The following RAB11FIP3 variants were observed in gnomAD, a reference collection of about 807,000 sequenced individuals.
RAB11FIP3 encodes the protein rab11 family-interacting protein 3.
A neutral mutation model predicts 77.8 loss-of-function variants in RAB11FIP3; 17 were observed. That is an observed-to-expected ratio of 0.22 (90% confidence interval 0.15 to 0.33). The LOEUF is 0.33. RAB11FIP3 is among the 10% of genes least tolerant of loss of function. RAB11FIP3 has a pLI of 1.00. For missense variants in RAB11FIP3, 1,005 were observed against 1,011.2 expected (o/e 0.99, Z 0.08); for synonymous variants, 437 against 448.2 (o/e 0.98, Z 0.31).
At chr16:437,406 TA>T (rs778954887) in intron 1 of RAB11FIP3, among the ~76,000 whole-genome samples, 9 of 149,638 alleles carry the variant, frequency 6.0e-5, no homozygotes, top group Non-Finnish European at 1.2e-4. Flanking sequence ...CCATCTCTAA[TA>T]AAAATACAAA....
intron 2 of RAB11FIP3, among the ~76,000 whole-genome samples, chr16:467,542 A>G (rs113973765): frequency 0.062 from 3,548 of 56,940 alleles, 144 homozygotes; most frequent in East Asian, 0.16. Flanking sequence ...GAGGAGGTGC[A>G]GGGGCCTCAG....
chr16:470,825 C>T (rs947604152), intron 2 of RAB11FIP3, among the ~76,000 whole-genome samples: 6 of 152,120 alleles, frequency 3.9e-5, no homozygotes, highest in Non-Finnish European at 7.4e-5. Flanking sequence ...ATGAAAACTG[C>T]GCGTGAACCC....
intron 3 of RAB11FIP3, among the ~76,000 whole-genome samples, chr16:478,137 T>G (rs912281363): frequency 6.6e-6 from 1 of 151,856 alleles, no homozygotes; most frequent in Non-Finnish European, 1.5e-5. Context: ...CTCAGGTGGG[T>G]GCAGCCTGGG....
rs948912780 is a variant in RAB11FIP3, at chr16:515,675, G to C, written c.1641-3268G>C. Reference sequence around the variant, plus strand: ...CACACACCGGTGTTTGCATCTCGGAGCAGCCACACGGGCGACACGCACCGG... The same window carrying C: ...CACACACCGGTGTTTGCATCTCGGACCAGCCACACGGGCGACACGCACCGG... On this transcript the variant is annotated intron_variant, in intron 9 of 13. Coordinates refer to ENST00000262305, the MANE Select transcript of RAB11FIP3 (RefSeq NM_014700.4). 4.0e-5 allele frequency among the ~76,000 whole-genome samples: 6 copies of C among 151,370 alleles called. No homozygotes were observed. In the East Asian group the frequency reaches 1.2e-3, roughly 29 times the overall value.
At chr16:470,032 T>C (rs1299320337) in intron 2 of RAB11FIP3, among the ~76,000 whole-genome samples, 2 of 152,048 alleles carry the variant, frequency 1.3e-5, no homozygotes, top group African/African-American at 2.4e-5. Flanking sequence ...TCTTGCTCTG[T>C]CGCCCAGGCT....
rs931072083 is a variant in RAB11FIP3 at position 461,701 on chromosome 16, C to T, written c.808+204C>T. 3.3e-5 allele frequency among the ~76,000 whole-genome samples: 5 copies of T among 152,236 alleles called. No individual in the cohort carries two copies. The highest frequency in any genetic ancestry group is 3.4e-3 in the Middle Eastern group (1 of 294). ...ATACCCTGTTTTCCAGAATTTGCTG[C>T]GTTAACTACTTTTCCATAATGCTAG... On this transcript the variant is annotated intron_variant, in intron 2 of 13. Coordinates refer to ENST00000262305, the MANE Select transcript of RAB11FIP3 (RefSeq NM_014700.4). This position sits in a 1 kb window ranked among gnomAD's most constrained non-coding sequence, Gnocchi z 4.5.
intron 9 of RAB11FIP3, among the ~76,000 whole-genome samples, chr16:518,108 C>T (rs188766613): frequency 3.0e-4 from 46 of 152,296 alleles, no homozygotes; most frequent in African/African-American, 1.1e-3. Context: ...GATACAGGAT[C>T]TTGCTTTGTC....
chr16:508,984 A>G (rs1287662779), intron 8 of RAB11FIP3, among the ~76,000 whole-genome samples: 5 of 150,070 alleles, frequency 3.3e-5, no homozygotes, highest in African/African-American at 1.2e-4. Flanking sequence ...GCTCAGTGCA[A>G]CCTCTGCCTC....
At chr16:494,026 C>G (rs2030864068) in intron 5 of RAB11FIP3, among the ~76,000 whole-genome samples, 1 of 127,236 alleles carries the variant, frequency 7.9e-6, no homozygotes, top group South Asian at 3.0e-4. Flanking sequence ...GCCTCAGCCT[C>G]CCGAGTAGCT....
intron 1 of RAB11FIP3, among the ~76,000 whole-genome samples, chr16:437,532 T>C (rs898235736): frequency 7.1e-6 from 1 of 140,492 alleles, no homozygotes; most frequent in Admixed American, 7.9e-5. Context: ...ATAGTGCCAT[T>C]GCGCTCCAGC....
In RAB11FIP3 at chr16:508,588, G is replaced by A. The variant is rs935939069; in HGVS notation, c.1500-2072G>A. ...GGGGTTTCACCATGTTGGCCAGGCCGGTGTTGAACTCCTGACCTCAAGTGA... is the reference window on the plus strand; with the variant it reads ...GGGGTTTCACCATGTTGGCCAGGCCAGTGTTGAACTCCTGACCTCAAGTGA... On this transcript the variant is annotated intron_variant, in intron 8 of 13. Transcript: ENST00000262305. Among the ~76,000 whole-genome samples the A allele has an allele frequency of 2.6e-5, 4 of 152,134 alleles. No homozygotes were observed. The East Asian group carries it at 5.8e-4, about 22-fold the overall frequency.
At chr16:456,711 C>T (rs945669529) in intron 1 of RAB11FIP3, among the ~76,000 whole-genome samples, 1 of 152,066 alleles carries the variant, frequency 6.6e-6, no homozygotes, top group Non-Finnish European at 1.5e-5. Context: ...GAGCTGAGGC[C>T]GCACCACTGC....
rs1032640244 is a variant in RAB11FIP3, at chr16:506,114, A to G, written c.1499+487A>G. Among the ~76,000 whole-genome samples the G allele has an allele frequency of 2.6e-5, 4 of 152,208 alleles. No individual in the cohort carries two copies. The highest frequency in any genetic ancestry group is 4.8e-5 in the African/African-American group (2 of 41,458). On this transcript the variant is annotated intron_variant, in intron 8 of 13. Coordinates refer to ENST00000262305, the MANE Select transcript of RAB11FIP3 (RefSeq NM_014700.4). This position sits in a 1 kb window ranked among gnomAD's most constrained non-coding sequence, Gnocchi z 4.5. Reference sequence around the variant, plus strand: ...GACGCGCAGTCTCATCGCTGTGGGCAGGAGTGCTGGGGAGGAAGCGAAGTG... The same window carrying G: ...GACGCGCAGTCTCATCGCTGTGGGCGGGAGTGCTGGGGAGGAAGCGAAGTG...
At chr16:428,591 C>T (rs1342095260) in intron 1 of RAB11FIP3, among the ~76,000 whole-genome samples, 2 of 152,072 alleles carry the variant, frequency 1.3e-5, no homozygotes, top group East Asian at 1.9e-4. Flanking sequence ...GATTCATCCC[C>T]ACTTTACAGG....
intron 3 of RAB11FIP3, among the ~76,000 whole-genome samples, chr16:481,147 G>A (rs1202624831): frequency 6.6e-6 from 1 of 151,668 alleles, no homozygotes; most frequent in African/African-American, 2.4e-5. Context: ...TTTTGAGATG[G>A]GTCTTTATCA....
chr16:458,220 C>G (rs1423291253), intron 1 of RAB11FIP3, among the ~76,000 whole-genome samples: 2 of 152,258 alleles, frequency 1.3e-5, no homozygotes, highest in Admixed American at 6.5e-5. Context: ...GTGCTTCGGG[C>G]TCTCTGGATT....
At position 503,062 on chromosome 16, in the gene RAB11FIP3, C is replaced by T. The variant is rs2031619477; in HGVS notation, c.1360C>T (p.Leu454Phe). The T allele has an allele frequency of 3.1e-6, 5 of 1,613,210 alleles. No homozygotes were observed. In the African/African-American group the frequency reaches 4.0e-5, roughly 13 times the overall value. ...MEALEDPSPE[L>F]MEGPEEDIAD... ...GGCCCTGGAGGACCCTTCCCCCGAG[C>T]TCATGGAGGGCCCAGAGGAGGACAT... Residue 454 changes from leucine (L) to phenylalanine (F), a missense_variant, in exon 7 of 14, where the codon CTC becomes TTC. Leu to Phe is a conservative substitution (Grantham distance 22, BLOSUM62 0). Transcript: ENST00000262305.
chr16:487,501 G>A (rs931978896), intron 4 of RAB11FIP3, among the ~76,000 whole-genome samples: 2 of 152,168 alleles, frequency 1.3e-5, no homozygotes, highest in African/African-American at 2.4e-5. Flanking sequence ...GCATTTCTGC[G>A]GGTGTGAAAT....
intron 1 of RAB11FIP3, among the ~76,000 whole-genome samples, chr16:459,282 A>G (rs1389248703): frequency 6.6e-6 from 1 of 151,546 alleles, no homozygotes; most frequent in Non-Finnish European, 1.5e-5. Flanking sequence ...TCCCACCACC[A>G]CGCCCAGCTA....
Sources: gnomAD v4.1 joint callset for allele counts (sites outside exome capture counted in the v4.1 genomes callset) on GRCh38, gnomAD v4.1.1 for gene constraint, Gnocchi (gnomAD v3.1) non-coding constraint, MANE v1.5 for transcripts, NCBI Gene and HGNC (gene_info 2026-07-23, HGNC 2026-07-21) for gene names.